Variants in GNAT3 observed in about 807,000 individuals in gnomAD.
GNAT3 encodes G protein subunit alpha transducin 3.
A neutral mutation model predicts 37.7 loss-of-function variants in GNAT3; 31 were observed. The ratio of observed to expected loss-of-function variants is 0.82; its 90% CI spans 0.62 to 1.11. The LOEUF is 1.11. Among genes scored for constraint, GNAT3 ranks in the 50% most tolerant of loss-of-function variants. The pLI, the probability that GNAT3 is intolerant of heterozygous loss-of-function variation, is 0.00. For synonymous variants in GNAT3, 138 were observed against 139.8 expected, an observed-to-expected ratio of 0.99 and a Z score of 0.09; for missense variants, 437 against 412.5, an observed-to-expected ratio of 1.06 and a Z score of -0.51.
At chr7:80,459,666 G>C (rs931173451) in intron 7 of GNAT3, among the ~76,000 whole-genome samples, 2 of 152,104 alleles carry the variant, frequency 1.3e-5, no homozygotes, top group Non-Finnish European at 2.9e-5. Flanking sequence ...CCTGTTGATG[G>C]GCTTTATAAC....
At chr7:80,488,863 G>T (rs1790537708) in intron 2 of GNAT3, among the ~76,000 whole-genome samples, 187 bp from the exon 3 acceptor site, 1 of 152,042 alleles carries the variant, frequency 6.6e-6, no homozygotes, top group Admixed American at 6.6e-5. Flanking sequence ...CATTTATACA[G>T]TATTTTCTTT....
chr7:80,488,433 A>G (rs965381248), intron 3 of GNAT3, 102 bp downstream of exon 3: 2 of 830,534 alleles, frequency 2.4e-6, no homozygotes, highest in Non-Finnish European at 3.5e-6. Flanking sequence ...TCATATTTTT[A>G]AATTTTGGAT....
intron 1 of GNAT3, among the ~76,000 whole-genome samples, chr7:80,497,588 A>G (rs146594521): frequency 0.087 from 11,726 of 134,392 alleles, 1,395 homozygotes; most frequent in African/African-American, 0.23. Context: ...ACGTATATAC[A>G]TATACGTATA....
chr7:80,507,001 T>C (rs945242903), intron 1 of GNAT3, among the ~76,000 whole-genome samples: 10 of 152,012 alleles, frequency 6.6e-5, no homozygotes, highest in African/African-American at 2.4e-4. Context: ...GGTACTATAG[T>C]TGGAGGAAGG....
rs540810765 is a variant in GNAT3 at position 80,485,032 on chromosome 7, A to G, written c.303+3503T>C. On this transcript the variant is annotated intron_variant, in intron 3 of 7. Transcript: ENST00000398291. ...AATAGTTTCCTTTCTTGACCTCTCA[A>G]GACCTTTCAATGTGGATAATTCCCT... 3.3e-5 allele frequency among the ~76,000 whole-genome samples: 5 copies of G among 152,230 alleles called. No individual in the cohort carries two copies. The South Asian group carries it at 1.0e-3, about 32-fold the overall frequency.
intron 3 of GNAT3, among the ~76,000 whole-genome samples, chr7:80,483,578 C>T (rs1431831371): frequency 6.6e-6 from 1 of 152,024 alleles, no homozygotes; most frequent in African/African-American, 2.4e-5. Flanking sequence ...TTATCCCTTA[C>T]TGTGACTCAC....
intron 1 of GNAT3, among the ~76,000 whole-genome samples, chr7:80,502,200 G>A (rs898541840): frequency 5.9e-5 from 9 of 151,976 alleles, no homozygotes; most frequent in African/African-American, 1.9e-4. Flanking sequence ...GTGGATTGTG[G>A]TGACGATTTC....
At chr7:80,478,099 C>T (rs2116169008) in intron 4 of GNAT3, among the ~76,000 whole-genome samples, 1 of 152,310 alleles carries the variant, frequency 6.6e-6, no homozygotes, top group South Asian at 2.1e-4. Flanking sequence ...TTTGTAGCAA[C>T]TTGGCTTTGC....
chr7:80,483,206 C>T (rs1007030361), intron 3 of GNAT3, among the ~76,000 whole-genome samples: 1 of 152,104 alleles, frequency 6.6e-6, no homozygotes, highest in Non-Finnish European at 1.5e-5. Context: ...CGCAACTGTT[C>T]TGACTGCATT....
chr7:80,485,439 C>T (rs1790461993), intron 3 of GNAT3, among the ~76,000 whole-genome samples: 1 of 151,986 alleles, frequency 6.6e-6, no homozygotes, highest in African/African-American at 2.4e-5. Context: ...AGTTCTTTTC[C>T]ATCCTCATTT....
At chr7:80,511,126 C>T (rs1214120015) in intron 1 of GNAT3, among the ~76,000 whole-genome samples, 1 of 151,612 alleles carries the variant, frequency 6.6e-6, no homozygotes, top group Non-Finnish European at 1.5e-5. Context: ...ATTAATTGAA[C>T]ATTTATTGAA....
chr7:80,508,809 T>A (rs1791000790), intron 1 of GNAT3, among the ~76,000 whole-genome samples: 1 of 152,066 alleles, frequency 6.6e-6, no homozygotes, highest in Non-Finnish European at 1.5e-5. Flanking sequence ...AATGGTTACA[T>A]CCGCTTTGCA....
intron 2 of GNAT3, 70 bp downstream of exon 2, chr7:80,494,535 G>A (rs1584190582): frequency 6.1e-6 from 5 of 816,246 alleles, no homozygotes; most frequent in East Asian, 5.4e-5. Flanking sequence ...ACAAAAGCAT[G>A]TATTTTAAGA....
intron 5 of GNAT3, among the ~76,000 whole-genome samples, chr7:80,472,358 T>G (rs2116157868): frequency 6.6e-6 from 1 of 152,240 alleles, no homozygotes; most frequent in South Asian, 2.1e-4. Flanking sequence ...AACCCTGCTG[T>G]TAAACATTTA....
At chr7:80,508,768 A>C (rs1484799019) in intron 1 of GNAT3, among the ~76,000 whole-genome samples, 2 of 152,068 alleles carry the variant, frequency 1.3e-5, no homozygotes, top group Non-Finnish European at 2.9e-5. Flanking sequence ...CGCTCTTCAG[A>C]TTCAGTGAAA....
chr7:80,487,119 T>C (rs73369038), intron 3 of GNAT3, among the ~76,000 whole-genome samples: 20,231 of 152,112 alleles, frequency 0.13, 1,644 homozygotes, highest in African/African-American at 0.23. Context: ...CAACTAATCT[T>C]TGAGCCTTGT....
intron 7 of GNAT3, 75 bp downstream of exon 7, chr7:80,462,084 A>G (rs1173889669): frequency 3.2e-6 from 3 of 935,948 alleles, no homozygotes; most frequent in Non-Finnish European, 3.2e-6. Flanking sequence ...TAAGTATTAA[A>G]TGTCAAGATC....
chr7:80,468,810 A>G (rs1790164122), intron 5 of GNAT3, among the ~76,000 whole-genome samples: 1 of 152,148 alleles, frequency 6.6e-6, no homozygotes, highest in East Asian at 1.9e-4. Flanking sequence ...AGAATCATTA[A>G]TACCATTATA....
At chr7:80,459,892 C>CA (rs1388378130) in intron 7 of GNAT3, among the ~76,000 whole-genome samples, 1 of 152,110 alleles carries the variant, frequency 6.6e-6, no homozygotes, top group Non-Finnish European at 1.5e-5. Context: ...TGTGGAAATG[C>CA]AAAATAGTGC....
Sources: gnomAD v4.1 joint callset for allele counts (sites outside exome capture counted in the v4.1 genomes callset) on GRCh38, gnomAD v4.1.1 for gene constraint, MANE v1.5 for transcripts, NCBI Gene and HGNC (gene_info 2026-07-23, HGNC 2026-07-21) for gene names.